The following FAM13C variants were observed in gnomAD, a reference collection of about 807,000 sequenced individuals.
FAM13C encodes the protein protein FAM13C.
FAM13C carries 37 observed loss-of-function variants against 73.2 expected under a neutral mutation model. The ratio of observed to expected loss-of-function variants is 0.51; its 90% CI spans 0.39 to 0.67. FAM13C has a LOEUF of 0.67. Among genes scored for constraint, FAM13C ranks in the 30% least tolerant of loss-of-function variants. The pLI is 0.00. For synonymous variants in FAM13C, 246 were observed against 260.9 expected, an observed-to-expected ratio of 0.94 and a Z score of 0.55; for missense variants, 589 against 715.6, an observed-to-expected ratio of 0.82 and a Z score of 2.02.
chr10:59,297,911 G>A (rs900431722), intron 5 of FAM13C, among the ~76,000 whole-genome samples: 3 of 144,538 alleles, frequency 2.1e-5, no homozygotes, highest in Admixed American at 7.0e-5. Flanking sequence ...AAAAAAAAAA[G>A]TCAGTATATC....
chr10:59,265,312 G>GC (rs1842912520), intron 8 of FAM13C, among the ~76,000 whole-genome samples: 1 of 80,118 alleles, frequency 1.2e-5, no homozygotes, highest in African/African-American at 5.3e-5. Flanking sequence ...GGATAGGGAA[G>GC]GGGTTTTGGC....
chr10:59,310,546 T>C (rs1848801181), intron 4 of FAM13C, among the ~76,000 whole-genome samples: 1 of 152,142 alleles, frequency 6.6e-6, no homozygotes, highest in Admixed American at 6.5e-5. Flanking sequence ...AGGTCAAATA[T>C]TAAGCAGCCA....
chr10:59,329,859 G>C (rs888497399), intron 3 of FAM13C, among the ~76,000 whole-genome samples: 3 of 152,144 alleles, frequency 2.0e-5, no homozygotes, highest in African/African-American at 7.2e-5. Context: ...TTTACTAGGA[G>C]GTAGGTTTTA....
intron 4 of FAM13C, among the ~76,000 whole-genome samples, chr10:59,318,330 T>C (rs916682467): frequency 3.3e-5 from 5 of 152,164 alleles, no homozygotes; most frequent in Admixed American, 2.6e-4. Flanking sequence ...GTGAGCTCTT[T>C]TTTCAATCAG....
chr10:59,316,646 T>C (rs754955237), intron 4 of FAM13C, among the ~76,000 whole-genome samples: 11 of 152,208 alleles, frequency 7.2e-5, no homozygotes, highest in Non-Finnish European at 1.3e-4. Context: ...CTCTACAGCA[T>C]GTTACTGTAC....
rs763827338 is a variant in FAM13C, at chr10:59,262,629, C to G, written c.1041G>C (p.Leu347=). 4 of 1,613,566 alleles carry G rather than the reference C, an allele frequency of 2.5e-6. No individual in the cohort carries two copies. Among genetic ancestry groups the G allele is most frequent in the Non-Finnish European group, 3.4e-6 (4 of 1,179,620 alleles). ...TGGGAGCACTCCCTTGTTCTTCTGA[C>G]AGCTTTAGCTTTAGTTCTAAGAGAA... ...RKQLKELKLK[L]SEEQGSAPKG... is the part of the protein sequence containing the mutation. The change falls in exon 10 of 14, where the codon CTG becomes CTC. Residue 347 remains leucine, a synonymous_variant. Transcript: ENST00000618804.
intron 4 of FAM13C, among the ~76,000 whole-genome samples, chr10:59,303,188 C>A (rs898595138): frequency 6.6e-6 from 1 of 152,190 alleles, no homozygotes; most frequent in African/African-American, 2.4e-5. Flanking sequence ...TGAGCCCAGA[C>A]TGCTCTCCCC....
intron 3 of FAM13C, among the ~76,000 whole-genome samples, chr10:59,337,671 T>C (rs898651808): frequency 7.4e-3 from 23 of 3,098 alleles, no homozygotes; most frequent in Non-Finnish European, 0.017. Flanking sequence ...CTTTTTCTTT[T>C]TTTTTTTTTT....
intron 6 of FAM13C, among the ~76,000 whole-genome samples, chr10:59,274,941 G>A (rs1455928876): frequency 2.0e-5 from 3 of 152,086 alleles, no homozygotes; most frequent in African/African-American, 7.2e-5. Context: ...GTGCCCTCTA[G>A]GGATACAGAG....
chr10:59,342,649 C>T (rs913627715), intron 3 of FAM13C, among the ~76,000 whole-genome samples: 3 of 152,204 alleles, frequency 2.0e-5, no homozygotes, highest in Admixed American at 6.5e-5. Flanking sequence ...TTTAACTGGG[C>T]ATCCCATATT....
intron 10 of FAM13C, among the ~76,000 whole-genome samples, chr10:59,257,986 A>G (rs989277070): frequency 6.6e-6 from 1 of 152,190 alleles, no homozygotes; most frequent in Non-Finnish European, 1.5e-5. Flanking sequence ...TTGAGCTTTC[A>G]AACTAGTTGA....
intron 5 of FAM13C, among the ~76,000 whole-genome samples, chr10:59,287,614 C>CT (rs1845755033): frequency 1.3e-5 from 2 of 152,126 alleles, no homozygotes; most frequent in African/African-American, 2.4e-5. Flanking sequence ...TACCATGTGT[C>CT]TGACTTTGGC....
intron 10 of FAM13C, among the ~76,000 whole-genome samples, chr10:59,255,287 C>T (rs1841845532): frequency 6.6e-6 from 1 of 152,098 alleles, no homozygotes; most frequent in South Asian, 2.1e-4. Context: ...TACCAATATC[C>T]TTCCCTGAAA....
intron 2 of FAM13C, among the ~76,000 whole-genome samples, chr10:59,355,475 A>G (rs1437803980): frequency 6.6e-6 from 1 of 152,184 alleles, no homozygotes; most frequent in Non-Finnish European, 1.5e-5. Flanking sequence ...AGGGCTTGGA[A>G]CAAAGTAAAT....
chr10:59,320,767 T>G (rs1236413571), intron 4 of FAM13C, among the ~76,000 whole-genome samples: 1 of 152,228 alleles, frequency 6.6e-6, no homozygotes, highest in Non-Finnish European at 1.5e-5. Context: ...CTGGCCACCT[T>G]TGGCCACAAC....
chr10:59,342,438 T>A (rs1205707119), intron 3 of FAM13C, among the ~76,000 whole-genome samples: 1 of 152,000 alleles, frequency 6.6e-6, no homozygotes, highest in African/African-American at 2.4e-5. Context: ...AGAAGGTGCG[T>A]TTGATTAAAC....
chr10:59,348,789 C>A (rs1399271890), intron 3 of FAM13C, among the ~76,000 whole-genome samples: 1 of 152,104 alleles, frequency 6.6e-6, no homozygotes, highest in Non-Finnish European at 1.5e-5. Flanking sequence ...GCGTGCACTA[C>A]CATGCCTGGC....
chr10:59,267,939 T>C (rs921684803), intron 8 of FAM13C, among the ~76,000 whole-genome samples: 1 of 152,138 alleles, frequency 6.6e-6, no homozygotes. Context: ...TATGACCCTA[T>C]TGTTTCTTAC....
chr10:59,321,040 T>G (rs1164629795), intron 4 of FAM13C, among the ~76,000 whole-genome samples: 3 of 152,184 alleles, frequency 2.0e-5, no homozygotes, highest in Non-Finnish European at 4.4e-5. Flanking sequence ...TTAGAGATTT[T>G]CACTAGAAAA....
Sources: allele counts gnomAD v4.1 joint callset (sites outside exome capture counted in the v4.1 genomes callset), GRCh38; gene constraint gnomAD v4.1.1; transcripts MANE v1.5; gene names NCBI Gene and HGNC (gene_info 2026-07-23, HGNC 2026-07-21).